TECPR2: variants seen among roughly 807,000 people sequenced by gnomAD.
TECPR2 encodes the protein tectonin beta-propeller repeat-containing protein 2.
Under a neutral mutation model 138.1 loss-of-function variants are expected in TECPR2, and 65 were observed. The observed-to-expected ratio is 0.47, with a 90% confidence interval of 0.39 to 0.58. The LOEUF is 0.58. Among genes scored for constraint, TECPR2 ranks in the 20% least tolerant of loss-of-function variants. The probability of loss-of-function intolerance (pLI) is 0.00; values close to 1 mark genes in which losing one functional copy is unlikely to be tolerated. For missense variants in TECPR2, 1,553 were observed against 1,824.5 expected (o/e 0.85, Z 2.71); for synonymous variants, 746 against 749.8 (o/e 0.99, Z 0.08).
intron 7 of TECPR2, among the ~76,000 whole-genome samples, chr14:102,430,031 G>A (rs1889424424): frequency 6.6e-6 from 1 of 152,070 alleles, no homozygotes; most frequent in Non-Finnish European, 1.5e-5. Flanking sequence ...CAGTGGTGCA[G>A]TCTCTGGTCA....
chr14:102,433,827 A>G (rs77836237), intron 8 of TECPR2, among the ~76,000 whole-genome samples: 6,369 of 152,268 alleles, frequency 0.042, 157 homozygotes, highest in Middle Eastern at 0.092. Context: ...TGCACAGCCC[A>G]GATTTCATTC....
chr14:102,498,293 G>A lies in TECPR2; in HGVS notation c.*36G>A, dbSNP rs138500705. The A allele has an allele frequency of 1.6e-3, 2,556 of 1,577,322 alleles. 33 individuals carry two copies. The African/African-American group carries it at 0.03, about 18-fold the overall frequency. ...GCCGAGTCACGCGGAGGGGCCCGGC[G>A]TCTGTGGCGGGCACAGGGGCTTCAG... On this transcript the variant is annotated 3_prime_UTR_variant, in exon 20 of 20. Coordinates refer to ENST00000359520, the MANE Select transcript of TECPR2 (RefSeq NM_014844.5).
chr14:102,492,882 C>T (rs151189628), intron 17 of TECPR2, among the ~76,000 whole-genome samples: 121 of 152,338 alleles, frequency 7.9e-4, no homozygotes, highest in African/African-American at 2.7e-3. Flanking sequence ...CGGAGGCTCA[C>T]ATTAGGAGGC....
At chr14:102,480,165 G>C (rs1297764962) in intron 17 of TECPR2, among the ~76,000 whole-genome samples, 4 of 151,490 alleles carry the variant, frequency 2.6e-5, no homozygotes, top group Admixed American at 6.6e-5. Flanking sequence ...CCTCCCTGGA[G>C]ATATGAATTC....
At chr14:102,498,022 C>CGCCCACGCTCCCAGCTCCATCTGT in intron 19 of TECPR2, 81 bp from the exon 20 acceptor site, 2 of 1,510,190 alleles carry the variant, frequency 1.3e-6, no homozygotes, top group Non-Finnish European at 1.8e-6. Flanking sequence ...CCCAGACCTG[C>CGCCCACGCTCCCAGCTCCATCTGT]GCCCAAGCTC....
At chr14:102,375,951 G>C (rs976207333) in intron 1 of TECPR2, among the ~76,000 whole-genome samples, 6 of 152,214 alleles carry the variant, frequency 3.9e-5, no homozygotes, top group Admixed American at 2.0e-4. Flanking sequence ...GTGAAAGATG[G>C]CGTGCATGGA....
At position 102,443,232 on chromosome 14, in the gene TECPR2, T is replaced by C. The variant is rs929261370; in HGVS notation, c.2753-415T>C. Among the ~76,000 whole-genome samples the C allele has an allele frequency of 1.3e-5, 2 of 152,250 alleles. No individual in the cohort carries two copies. Among genetic ancestry groups the C allele is most frequent in the Non-Finnish European group, 2.9e-5 (2 of 68,042 alleles). ...GCTTTTGTGTTCTTCTCTTAGAACT[T>C]CTTAAGCTACATTGGGACACCAGAT... On this transcript the variant is annotated intron_variant, in intron 11 of 19. Transcript: ENST00000359520. The surrounding 1 kb of genome is among the most constrained non-coding windows in gnomAD (Gnocchi z 4.9).
rs908902967 is a variant in TECPR2, at chr14:102,502,127, G to A, written c.*3870G>A. ...AGCCTGCAGCTATTAAGAAGCACGTGTGTGCAGGAAGCGGAGGCGCAGGAC... is the reference window on the plus strand; with the variant it reads ...AGCCTGCAGCTATTAAGAAGCACGTATGTGCAGGAAGCGGAGGCGCAGGAC... On this transcript the variant is annotated 3_prime_UTR_variant, in exon 20 of 20. Transcript: ENST00000359520. 6.6e-6 allele frequency: 1 copy of A among 152,282 alleles called. No homozygotes were observed. Among genetic ancestry groups the A allele is most frequent in the Non-Finnish European group, 1.5e-5 (1 of 68,056 alleles). 9.4% of individuals were successfully genotyped at this position (152,282 alleles called of 1,614,324 possible).
At chr14:102,409,597 C>A (rs950682969) in intron 4 of TECPR2, among the ~76,000 whole-genome samples, 1 of 152,104 alleles carries the variant, frequency 6.6e-6, no homozygotes, top group Admixed American at 6.6e-5. Context: ...CCACGCCCAG[C>A]CAAGAATTCA....
chr14:102,474,133 C>T lies in TECPR2; in HGVS notation c.3789+8844C>T, dbSNP rs867220293. Among the ~76,000 whole-genome samples, 7 of 152,154 alleles carry T rather than the reference C, an allele frequency of 4.6e-5. No homozygotes were observed. The Middle Eastern group carries it at 0.01, about 222-fold the overall frequency. On this transcript the variant is annotated intron_variant, in intron 17 of 19. Coordinates refer to ENST00000359520, the MANE Select transcript of TECPR2 (RefSeq NM_014844.5). ...AATTAGCCAGGTGTGTTGGCGTGCA[C>T]CTGTGGTCCCAGCTACTCCAGCTAC...
At chr14:102,438,822 A>G (rs141849338) in intron 10 of TECPR2, among the ~76,000 whole-genome samples, 2 of 149,818 alleles carry the variant, frequency 1.3e-5, no homozygotes, top group Admixed American at 1.3e-4. Flanking sequence ...GACCTCCCAT[A>G]TCTGCATGGA....
At chr14:102,375,594 AGAAATAGAAAACCTACAGT>A (rs371876931) in intron 1 of TECPR2, among the ~76,000 whole-genome samples, 42 of 152,340 alleles carry the variant, frequency 2.8e-4, no homozygotes, top group African/African-American at 1.0e-3. Context: ...TCCACTATGT[AGAAATAGAAAACCTACAGT>A]TCAAAGAGAC....
At chr14:102,491,633 C>T (rs1239830561) in intron 17 of TECPR2, among the ~76,000 whole-genome samples, 1 of 152,178 alleles carries the variant, frequency 6.6e-6, no homozygotes, top group Non-Finnish European at 1.5e-5. Flanking sequence ...CACCACTGGG[C>T]TGCAGCCTCC....
In TECPR2 at chr14:102,363,101, G is replaced by A. The variant is rs1050698510; in HGVS notation, c.-88G>A. The A allele has an allele frequency of 2.4e-6, 1 of 424,402 alleles. No individual in the cohort carries two copies. The highest frequency in any genetic ancestry group is 4.1e-6 in the Non-Finnish European group (1 of 242,570). 26.3% of individuals were successfully genotyped at this position (424,402 alleles called of 1,614,324 possible). A position where few individuals can be genotyped will look rare whatever the true frequency, so the allele number is the denominator to read the frequency against. ...GCCCGGCGGGGCCGACGAGTCCGGA[G>A]GGGCTGCCGCGGGAGGTGAGTCCGG... On this transcript the variant is annotated 5_prime_UTR_variant, in exon 1 of 20. Transcript: ENST00000359520.
At chr14:102,391,211 C>A (rs1888162506) in intron 2 of TECPR2, among the ~76,000 whole-genome samples, 1 of 152,134 alleles carries the variant, frequency 6.6e-6, no homozygotes, top group Non-Finnish European at 1.5e-5. Context: ...GTGTGCACCA[C>A]CACGCCCAAC....
intron 17 of TECPR2, among the ~76,000 whole-genome samples, chr14:102,478,229 TG>T (rs1890810433): frequency 6.6e-6 from 1 of 151,832 alleles, no homozygotes; most frequent in African/African-American, 2.4e-5. Context: ...TAAAAAAATT[TG>T]TAGAGGCATA....
intron 17 of TECPR2, among the ~76,000 whole-genome samples, chr14:102,485,445 C>G (rs1307439073): frequency 1.3e-5 from 2 of 152,124 alleles, no homozygotes; most frequent in Non-Finnish European, 2.9e-5. Context: ...GAGCTCTCTT[C>G]TTCAAAACTT....
rs1217684487 is a variant in TECPR2 at position 102,438,034 on chromosome 14, T to C, written c.2407T>C (p.Trp803Arg). 5 of 1,613,834 alleles carry C rather than the reference T, an allele frequency of 3.1e-6. No homozygotes were observed. The highest frequency in any genetic ancestry group is 4.2e-6 in the Non-Finnish European group (5 of 1,179,896). The change falls in exon 10 of 20, where the codon TGG becomes CGG. Residue 803 changes from tryptophan (W) to arginine (R), a missense_variant. Coordinates refer to ENST00000359520, the MANE Select transcript of TECPR2 (RefSeq NM_014844.5). ...LLKPDQFAES[W>R]MGYSGPGYGI... ...CTTCCCTTGTTAGTTTGCAGAAAGC[T>C]GGATGGGCTACTCGGGTCCCGGCTA... is the stretch of plus-strand genomic sequence containing the variant.
intron 17 of TECPR2, among the ~76,000 whole-genome samples, chr14:102,469,409 G>T (rs1890615369): frequency 6.6e-6 from 1 of 152,144 alleles, no homozygotes; most frequent in African/African-American, 2.4e-5. Flanking sequence ...TATTGATCTT[G>T]TGTCTGGCAA....
Sources: gnomAD v4.1 joint callset for allele counts (sites outside exome capture counted in the v4.1 genomes callset) on GRCh38, gnomAD v4.1.1 for gene constraint, Gnocchi (gnomAD v3.1) non-coding constraint, MANE v1.5 for transcripts, NCBI Gene and HGNC (gene_info 2026-07-23, HGNC 2026-07-21) for gene names.